RNF115: variants seen among roughly 807,000 people sequenced by gnomAD.
The protein encoded by RNF115 is ring finger protein 115, also known as E3 ubiquitin-protein ligase RNF115.
Under a neutral mutation model 39.2 loss-of-function variants are expected in RNF115, and 31 were observed. The observed-to-expected ratio is 0.79, with a 90% CI of 0.59 to 1.07. The LOEUF (loss-of-function observed/expected upper bound fraction) is 1.07, where lower values mean the gene tolerates loss of function less well. RNF115 is among the 50% of genes least tolerant of loss of function. The pLI, the probability that RNF115 is intolerant of heterozygous loss-of-function variation, is 0.00. For missense variants in RNF115, 384 were observed against 381.7 expected (o/e 1.01, Z -0.05); for synonymous variants, 124 against 131.0 (o/e 0.95, Z 0.37).
chr1:145,753,075 A>G (rs782697241), intron 4 of RNF115, 26 bp from the exon 5 acceptor site: 1 of 1,461,786 alleles, frequency 6.8e-7, no homozygotes, highest in South Asian at 1.1e-5. Flanking sequence ...AAATTAGATA[A>G]GACAACAGAC....
chr1:145,775,340 T>C (rs1426496294), intron 3 of RNF115, among the ~76,000 whole-genome samples: 1 of 151,400 alleles, frequency 6.6e-6, no homozygotes, highest in Admixed American at 6.6e-5. Flanking sequence ...CAATAACTAA[T>C]AATAAAATAG....
intron 1 of RNF115, among the ~76,000 whole-genome samples, chr1:145,795,366 T>TGCTGCTGCTG (rs1262877917): frequency 1.3e-5 from 2 of 152,116 alleles, no homozygotes; most frequent in African/African-American, 4.8e-5. Flanking sequence ...CCAAGCTGCT[T>TGCTGCTGCTG]GCTGCTGCTG....
chr1:145,823,956 C>T lies in RNF115; in HGVS notation c.-83G>A. ...CTACCTCCCGAGCTGCAGTCGTCGC[C>T]GCCGCCGCCGCCTCGGTGCGGCCCA... On this transcript the variant is annotated 5_prime_UTR_variant, in exon 1 of 9. Transcript: ENST00000582693. 1 of 976,230 alleles carries T rather than the reference C, an allele frequency of 1.0e-6. No homozygotes were observed. The highest frequency in any genetic ancestry group is 2.1e-5 in the South Asian group (1 of 48,226). 60.5% of individuals were successfully genotyped at this position (976,230 alleles called of 1,614,324 possible).
In RNF115 at chr1:145,748,110, T is replaced by G. The variant is rs1553712023; in HGVS notation, c.668A>C (p.Asp223Ala). ...PTVTVTQEQV[D>A]MGLECPVCKE... ...GCATACTGGACACTCTAAACCCATA[T>G]CTGTTGAAGAAGGAAATGCCTTTTA... is the stretch of plus-strand genomic sequence containing the variant. Residue 223 changes from aspartate to alanine, a missense_variant and splice_region_variant, in exon 8 of 9, where the codon GAT (aspartate) becomes GCT (alanine). By Grantham distance (126) the Asp-to-Ala change is moderately radical. Transcript: ENST00000582693. The G allele has an allele frequency of 6.2e-7, 1 of 1,606,440 alleles. No individual in the cohort carries two copies. Among genetic ancestry groups the G allele is most frequent in the South Asian group, 1.1e-5 (1 of 90,848 alleles).
intron 7 of RNF115, among the ~76,000 whole-genome samples, chr1:145,748,934 C>T (rs1553712114): frequency 2.0e-5 from 3 of 151,286 alleles, no homozygotes; most frequent in African/African-American, 4.9e-5. Flanking sequence ...GAAGAAAATA[C>T]CAGAAGCCAT....
chr1:145,794,273 A>G (rs1388086665), intron 1 of RNF115, among the ~76,000 whole-genome samples: 1 of 152,172 alleles, frequency 6.6e-6, no homozygotes, highest in Non-Finnish European at 1.5e-5. Flanking sequence ...TATTTCAATT[A>G]TTTACAAAAA....
intron 3 of RNF115, among the ~76,000 whole-genome samples, chr1:145,776,095 G>GGC (rs1464623910): frequency 2.0e-5 from 3 of 150,274 alleles, no homozygotes; most frequent in African/African-American, 7.4e-5. Flanking sequence ...GGGTAAGGGG[G>GGC]GGGCTACTGT....
At chr1:145,764,209 C>T (rs959919896) in intron 4 of RNF115, among the ~76,000 whole-genome samples, 1 of 152,226 alleles carries the variant, frequency 6.6e-6, no homozygotes, top group Admixed American at 6.5e-5. Context: ...GTCTTGTTCA[C>T]TCAGTGCTCA....
At chr1:145,767,889 G>A (rs1430027188) in intron 4 of RNF115, among the ~76,000 whole-genome samples, 7 of 152,232 alleles carry the variant, frequency 4.6e-5, no homozygotes, top group Admixed American at 6.5e-5. Flanking sequence ...AGGAGAATCA[G>A]GCAGGGAGGT....
intron 1 of RNF115, among the ~76,000 whole-genome samples, chr1:145,793,635 C>CAG (rs1648787015): frequency 6.6e-6 from 1 of 151,426 alleles, no homozygotes; most frequent in African/African-American, 2.4e-5. Flanking sequence ...CTCACACACA[C>CAG]ACACACACCC....
intron 1 of RNF115, 99 bp downstream of exon 1, chr1:145,823,673 G>A: frequency 1.0e-6 from 1 of 989,988 alleles, no homozygotes; most frequent in Non-Finnish European, 1.4e-6. Context: ...ACCGATGTCG[G>A]GCGAGTCAAT....
intron 4 of RNF115, among the ~76,000 whole-genome samples, chr1:145,759,338 C>T (rs1413368716): frequency 1.3e-5 from 2 of 152,188 alleles, no homozygotes; most frequent in African/African-American, 4.8e-5. Flanking sequence ...GCACCTCAAA[C>T]TTATTATGTC....
intron 1 of RNF115, among the ~76,000 whole-genome samples, chr1:145,806,069 C>T (rs1649446069): frequency 6.6e-6 from 1 of 152,068 alleles, no homozygotes; most frequent in Non-Finnish European, 1.5e-5. Context: ...AATTTAAGTC[C>T]AGGCACAGTG....
At chr1:145,771,225 G>A (rs1647621608) in intron 4 of RNF115, among the ~76,000 whole-genome samples, 2 of 152,226 alleles carry the variant, frequency 1.3e-5, no homozygotes, top group African/African-American at 4.8e-5. Context: ...AAGTGGATTA[G>A]TTATTGTTGA....
chr1:145,782,964 C>T (rs1483852397), intron 3 of RNF115, among the ~76,000 whole-genome samples: 1 of 152,162 alleles, frequency 6.6e-6, no homozygotes, highest in African/African-American at 2.4e-5. Flanking sequence ...CGGGTTCAAG[C>T]GATTCTCGTG....
chr1:145,792,546 G>C (rs1648724893), intron 1 of RNF115, among the ~76,000 whole-genome samples: 1 of 152,046 alleles, frequency 6.6e-6, no homozygotes, highest in Non-Finnish European at 1.5e-5. Context: ...TTCTTGAGGA[G>C]ACAGTCAAAC....
intron 4 of RNF115, among the ~76,000 whole-genome samples, chr1:145,762,290 C>G (rs1658563224): frequency 6.6e-6 from 1 of 152,108 alleles, no homozygotes; most frequent in African/African-American, 2.4e-5. Context: ...TTGGAGGGGC[C>G]AGGGGCAGAA....
rs782271649 is a variant in RNF115, at chr1:145,784,572, C to G, written c.186G>C (p.Arg62=). Residue 62 remains arginine (R), a synonymous_variant, in exon 3 of 9, where the codon CGG becomes CGC. Transcript: ENST00000582693. The stretch of plus-strand genomic sequence containing the variant: ...AATGTGTTGTTGTGGTATTGTCTAT[C>G]CGACTGCCGCCACCACCTAAAAAAC... ...DSSFLGGGGS[R]IDNTTTTHFA... 6.2e-7 allele frequency: 1 copy of G among 1,613,936 alleles called. No homozygotes were observed. The highest frequency in any genetic ancestry group is 1.1e-5 in the South Asian group (1 of 91,046).
At chr1:145,780,338 C>T (rs1341398338) in intron 3 of RNF115, among the ~76,000 whole-genome samples, 2 of 151,672 alleles carry the variant, frequency 1.3e-5, no homozygotes, top group Admixed American at 6.6e-5. Context: ...TAGTGAAACT[C>T]GGCCGGGCGC....
Sources: gnomAD v4.1 joint callset for allele counts (sites outside exome capture counted in the v4.1 genomes callset) on GRCh38, gnomAD v4.1.1 for gene constraint, MANE v1.5 for transcripts, NCBI Gene and HGNC (gene_info 2026-07-23, HGNC 2026-07-21) for gene names.